The following PDGFD variants were observed in gnomAD, a reference collection of about 807,000 sequenced individuals.
The protein encoded by PDGFD is platelet-derived growth factor D.
Under a neutral mutation model 44.7 loss-of-function variants are expected in PDGFD, and 30 were observed. That is an observed-to-expected ratio of 0.67 (90% confidence interval 0.50 to 0.91). The LOEUF is 0.91. PDGFD is among the 40% of genes least tolerant of loss of function. PDGFD has a pLI of 0.00. For missense variants in PDGFD, 445 were observed against 457.8 expected, an observed-to-expected ratio of 0.97 and a Z score of 0.25; for synonymous variants, 173 against 168.4, an observed-to-expected ratio of 1.03 and a Z score of -0.21.
In PDGFD at chr11:103,996,155, T is replaced by C. The variant is rs1859531478; in HGVS notation, c.420A>G (p.Ile140Met). The change falls in exon 3 of 7, where the codon ATA (isoleucine) becomes ATG (methionine). Residue 140 changes from isoleucine to methionine, a missense_variant. Ile to Met is a conservative substitution (Grantham distance 10, BLOSUM62 1). Coordinates refer to ENST00000393158, the MANE Select transcript of PDGFD (RefSeq NM_025208.5). Reference protein sequence around the residue: ...WCGHKEVPPRIKSRTNQIKIT... With the variant: ...WCGHKEVPPRMKSRTNQIKIT... The stretch of plus-strand genomic sequence containing the variant: ...TTTTAATTTGGTTCGTTCTTGATTT[T>C]ATCCTTGGAGGAACTTCCTTGTGTC... 3.1e-6 allele frequency: 5 copies of C among 1,613,798 alleles called. No homozygotes were observed. Among genetic ancestry groups the C allele is most frequent in the Non-Finnish European group, 4.2e-6 (5 of 1,179,788 alleles).
At chr11:103,918,583 T>C (rs894650982) in intron 6 of PDGFD, among the ~76,000 whole-genome samples, 2 of 152,206 alleles carry the variant, frequency 1.3e-5, no homozygotes, top group African/African-American at 2.4e-5. Flanking sequence ...CTAACTGGTC[T>C]TCTGATTGTT....
chr11:104,012,182 C>T (rs970249983), intron 1 of PDGFD, among the ~76,000 whole-genome samples: 2 of 152,142 alleles, frequency 1.3e-5, no homozygotes, highest in African/African-American at 4.8e-5. Flanking sequence ...AATGAAAATT[C>T]AGATGAATTC....
At chr11:104,044,862 C>A (rs534816029) in intron 1 of PDGFD, among the ~76,000 whole-genome samples, 1 of 152,206 alleles carries the variant, frequency 6.6e-6, no homozygotes, top group African/African-American at 2.4e-5. Context: ...AATGGTGAAA[C>A]CCCATCTCTA....
intron 1 of PDGFD, among the ~76,000 whole-genome samples, chr11:104,057,809 T>A (rs1336491517): frequency 2.0e-5 from 3 of 152,210 alleles, no homozygotes; most frequent in East Asian, 3.8e-4. Context: ...TTTGATATTA[T>A]CATAAAGATA....
chr11:103,914,969 T>C (rs1225005467), intron 6 of PDGFD, among the ~76,000 whole-genome samples: 1 of 152,072 alleles, frequency 6.6e-6, no homozygotes, highest in Non-Finnish European at 1.5e-5. Flanking sequence ...GAGCTATTTA[T>C]ACAAACCCAC....
At chr11:103,962,103 A>G (rs1858947033) in intron 3 of PDGFD, among the ~76,000 whole-genome samples, 1 of 152,182 alleles carries the variant, frequency 6.6e-6, no homozygotes, top group Non-Finnish European at 1.5e-5. Context: ...GTGGAAAAAA[A>G]TTGAAGACAA....
chr11:103,983,945 C>T (rs1179477417), intron 3 of PDGFD, among the ~76,000 whole-genome samples: 2 of 151,738 alleles, frequency 1.3e-5, no homozygotes, highest in East Asian at 1.9e-4. Context: ...AATGCTTATA[C>T]ACTGTCGGTG....
At chr11:104,017,357 GT>G in intron 1 of PDGFD, among the ~76,000 whole-genome samples, 1 of 150,346 alleles carries the variant, frequency 6.7e-6, no homozygotes, top group Non-Finnish European at 1.5e-5. Flanking sequence ...CGTTTTTTTT[GT>G]TTTTTTTTAA....
chr11:104,068,228 C>T (rs889461302), intron 1 of PDGFD, among the ~76,000 whole-genome samples: 2 of 152,108 alleles, frequency 1.3e-5, no homozygotes, highest in Admixed American at 6.5e-5. Flanking sequence ...AGTTTAAGTA[C>T]AGCATCAGGA....
chr11:104,045,094 A>C (rs552745800), intron 1 of PDGFD, among the ~76,000 whole-genome samples: 1 of 152,162 alleles, frequency 6.6e-6, no homozygotes, highest in African/African-American at 2.4e-5. Context: ...GTATCCCTAC[A>C]TTCCTGGGGC....
intron 1 of PDGFD, among the ~76,000 whole-genome samples, chr11:104,118,507 C>A (rs2134458255): frequency 6.6e-6 from 1 of 151,460 alleles, no homozygotes; most frequent in South Asian, 2.1e-4. Context: ...ACTTCCCAAT[C>A]AGTACAATTT....
intron 1 of PDGFD, among the ~76,000 whole-genome samples, chr11:104,013,511 G>A (rs1174771463): frequency 6.6e-6 from 1 of 152,136 alleles, no homozygotes; most frequent in African/African-American, 2.4e-5. Context: ...TGTCCTGCAA[G>A]GGGTTTGAGT....
chr11:104,042,150 G>C (rs561699469), intron 1 of PDGFD, among the ~76,000 whole-genome samples: 4 of 152,184 alleles, frequency 2.6e-5, no homozygotes, highest in Non-Finnish European at 5.9e-5. Context: ...AGTCTGGGTT[G>C]ATTTTAACTG....
intron 1 of PDGFD, among the ~76,000 whole-genome samples, chr11:104,027,911 C>A (rs924593586): frequency 1.3e-5 from 2 of 152,074 alleles, no homozygotes; most frequent in African/African-American, 4.8e-5. Flanking sequence ...AAAGCATAGG[C>A]CGGGCGCGGT....
intron 1 of PDGFD, among the ~76,000 whole-genome samples, chr11:104,010,167 G>T (rs1404863874): frequency 6.7e-6 from 1 of 149,900 alleles, no homozygotes; most frequent in African/African-American, 2.5e-5. Context: ...GGAGATGGTT[G>T]TTTGCCAGTT....
At chr11:104,008,641 A>G (rs1355312072) in intron 1 of PDGFD, among the ~76,000 whole-genome samples, 17 of 152,264 alleles carry the variant, frequency 1.1e-4, no homozygotes, top group African/African-American at 3.8e-4. Flanking sequence ...CTTCTTTCTG[A>G]GTCTATCTAG....
At chr11:104,104,817 C>T (rs1432510823) in intron 1 of PDGFD, among the ~76,000 whole-genome samples, 1 of 152,104 alleles carries the variant, frequency 6.6e-6, no homozygotes. Flanking sequence ...CTGAATACTA[C>T]CTATCACCAG....
chr11:103,959,753 A>G (rs963827784), intron 3 of PDGFD, among the ~76,000 whole-genome samples: 2 of 152,276 alleles, frequency 1.3e-5, no homozygotes, highest in South Asian at 4.1e-4. Context: ...GCCAAACACC[A>G]TGGTTAACAT....
intron 1 of PDGFD, among the ~76,000 whole-genome samples, chr11:104,130,630 T>C (rs10895579): frequency 0.19 from 28,413 of 152,148 alleles, 2,771 homozygotes; most frequent in Middle Eastern, 0.29. Context: ...GAATAAACCA[T>C]GTGTGTTCAC....
Sources: gnomAD v4.1 joint callset for allele counts (sites outside exome capture counted in the v4.1 genomes callset) on GRCh38, gnomAD v4.1.1 for gene constraint, MANE v1.5 for transcripts, NCBI Gene and HGNC (gene_info 2026-07-23, HGNC 2026-07-21) for gene names.